MAN1A2: variants seen among roughly 807,000 people sequenced by gnomAD.
MAN1A2 encodes mannosidase alpha class 1A member 2.
Under a neutral mutation model 75.7 loss-of-function variants are expected in MAN1A2, and 26 were observed. The observed-to-expected ratio is 0.34, with a 90% CI of 0.25 to 0.48. MAN1A2 has a LOEUF of 0.48. Among genes scored for constraint, MAN1A2 ranks in the 20% least tolerant of loss-of-function variants. MAN1A2 has a pLI of 0.99. For synonymous variants in MAN1A2, 247 were observed against 264.6 expected (o/e 0.93, Z 0.65); for missense variants, 562 against 775.5 (o/e 0.72, Z 3.27).
intron 6 of MAN1A2, among the ~76,000 whole-genome samples, chr1:117,452,714 A>G (rs1269117769): frequency 6.6e-6 from 1 of 152,234 alleles, no homozygotes; most frequent in Non-Finnish European, 1.5e-5. Context: ...TCTCCAAAAC[A>G]TAAAGGTGAC....
At chr1:117,448,663 A>G (rs935702059) in intron 6 of MAN1A2, among the ~76,000 whole-genome samples, 17 of 152,308 alleles carry the variant, frequency 1.1e-4, no homozygotes, top group African/African-American at 4.1e-4. Flanking sequence ...ACCTAAACTG[A>G]AGCACAGAAA....
chr1:117,389,937 C>G (rs1340354346), intron 1 of MAN1A2, among the ~76,000 whole-genome samples: 2 of 152,034 alleles, frequency 1.3e-5, no homozygotes, highest in African/African-American at 4.8e-5. Flanking sequence ...TGGTCAAATA[C>G]TTTTTCTGCA....
chr1:117,511,590 G>A (rs192399611), intron 12 of MAN1A2, among the ~76,000 whole-genome samples: 199 of 152,104 alleles, frequency 1.3e-3, no homozygotes, highest in Non-Finnish European at 2.0e-3. Flanking sequence ...GAGGCACTCA[G>A]TAAATATGTA....
At chr1:117,510,188 C>T (rs997177888) in intron 12 of MAN1A2, among the ~76,000 whole-genome samples, 1 of 151,792 alleles carries the variant, frequency 6.6e-6, no homozygotes, top group African/African-American at 2.4e-5. Flanking sequence ...TCTCTGCTCC[C>T]TGTGTGAAGA....
Position 117,525,018 on chromosome 1 carries a change from A to G in MAN1A2, c.*2061A>G, listed in dbSNP as rs1460787198. The G allele has an allele frequency of 2.8e-5, 13 of 464,792 alleles. No individual in the cohort carries two copies. Among genetic ancestry groups the G allele is most frequent in the Middle Eastern group, 3.3e-4 (1 of 3,030 alleles). The allele number at this position is 464,792 out of a possible 1,614,324, so 28.8% of individuals were successfully genotyped here. A position where few individuals can be genotyped will look rare whatever the true frequency, so the allele number is the denominator to read the frequency against. On this transcript the variant is annotated 3_prime_UTR_variant, in exon 13 of 13. Transcript: ENST00000356554. ...ATGCAGAGCAGCAGTGCAGATGGCAATGAACTCTCTGAATTCTCTTTTACC... is the reference window on the plus strand; with the variant it reads ...ATGCAGAGCAGCAGTGCAGATGGCAGTGAACTCTCTGAATTCTCTTTTACC...
At position 117,525,329 on chromosome 1, in the gene MAN1A2, G is replaced by T; in HGVS notation, c.*2372G>T. 1 of 225,948 alleles carries T rather than the reference G, an allele frequency of 4.4e-6. No individual in the cohort carries two copies. Among genetic ancestry groups the T allele is most frequent in the East Asian group, 9.4e-5 (1 of 10,648 alleles). The allele number at this position is 225,948 out of a possible 1,614,324, so 14.0% of individuals were successfully genotyped here. A position where few individuals can be genotyped will look rare whatever the true frequency, so the allele number is the denominator to read the frequency against. On this transcript the variant is annotated 3_prime_UTR_variant, in exon 13 of 13. Transcript: ENST00000356554. ...TTTTTTATTCTCCTGAATACCAAAGGCAATTAAAGTCAGCTACAAATGACT... is the reference window on the plus strand; with the variant it reads ...TTTTTTATTCTCCTGAATACCAAAGTCAATTAAAGTCAGCTACAAATGACT...
chr1:117,396,262 G>T (rs1653901764), intron 1 of MAN1A2, among the ~76,000 whole-genome samples: 2 of 152,210 alleles, frequency 1.3e-5, no homozygotes, highest in Non-Finnish European at 2.9e-5. Flanking sequence ...TGAAGATCTG[G>T]TATGGCCAGC....
At chr1:117,511,254 A>G (rs565847348) in intron 12 of MAN1A2, among the ~76,000 whole-genome samples, 10 of 152,008 alleles carry the variant, frequency 6.6e-5, no homozygotes, top group Non-Finnish European at 1.5e-4. Context: ...CCCTCCCTCT[A>G]CATATGGGGA....
intron 1 of MAN1A2, among the ~76,000 whole-genome samples, chr1:117,385,987 A>C (rs949894806): frequency 6.6e-6 from 1 of 152,198 alleles, no homozygotes; most frequent in Admixed American, 6.5e-5. Context: ...GTTTCTTTAC[A>C]GGTATATAGT....
In MAN1A2 at chr1:117,402,187, G is replaced by C. The variant is rs757531222; in HGVS notation, c.304G>C (p.Glu102Gln). ...TTTTATTTCCTTCTTTTCTCACAGG[G>C]AAGAGGAAGAACGTCTGAGAAATAA... ...IHGPDEHRHREEEERLRNKIR... is the reference protein window; with the variant it reads ...IHGPDEHRHRQEEERLRNKIR... The change falls in exon 2 of 13, where the codon GAA (glutamate) becomes CAA (glutamine). Residue 102 changes from glutamate (E) to glutamine (Q), a missense_variant and splice_region_variant. Glu to Gln is a conservative substitution (Grantham distance 29). Around this residue, in one of 2 missense-constraint regions of MAN1A2, gnomAD observed 128 missense variants for 129.8 expected, o/e 0.99. Transcript: ENST00000356554. 77 of 1,605,844 alleles carry C rather than the reference G, an allele frequency of 4.8e-5. No individual in the cohort carries two copies. In the South Asian group the frequency reaches 7.8e-4, roughly 16 times the overall value.
At chr1:117,499,838 T>G (rs2101879843) in intron 11 of MAN1A2, among the ~76,000 whole-genome samples, 1 of 151,082 alleles carries the variant, frequency 6.6e-6, no homozygotes, top group East Asian at 2.0e-4. Flanking sequence ...TGGTTTACTC[T>G]TAAAGTCTTT....
At chr1:117,397,668 G>T (rs61809001) in intron 1 of MAN1A2, among the ~76,000 whole-genome samples, 2 of 64,118 alleles carry the variant, frequency 3.1e-5, no homozygotes, top group Non-Finnish European at 6.5e-5. Context: ...TTTTTTTTTG[G>T]AGACGTAGTT....
chr1:117,392,384 T>C (rs981374332), intron 1 of MAN1A2, among the ~76,000 whole-genome samples: 42 of 152,164 alleles, frequency 2.8e-4, no homozygotes, highest in Admixed American at 2.7e-3. Flanking sequence ...CTTTCTCTGT[T>C]TCCCTATGTA....
At chr1:117,514,863 T>TGA (rs762904936) in intron 12 of MAN1A2, 1 of 533,034 alleles carries the variant, frequency 1.9e-6, no homozygotes, top group Non-Finnish European at 3.9e-6. Flanking sequence ...CCTCCTACCA[T>TGA]GAGAGAACTG....
chr1:117,502,104 A>G (rs1207985966), intron 11 of MAN1A2, among the ~76,000 whole-genome samples: 2 of 151,788 alleles, frequency 1.3e-5, no homozygotes, highest in Non-Finnish European at 2.9e-5. Flanking sequence ...GTCAAGCAGT[A>G]AAGCACAGTA....
chr1:117,492,736 T>A (rs998303561), intron 8 of MAN1A2, among the ~76,000 whole-genome samples: 2 of 152,110 alleles, frequency 1.3e-5, no homozygotes, highest in Non-Finnish European at 2.9e-5. Context: ...TATAGGAACA[T>A]GTCTAAGAGT....
intron 8 of MAN1A2, among the ~76,000 whole-genome samples, chr1:117,490,365 A>G (rs1355805600): frequency 6.6e-6 from 1 of 151,912 alleles, no homozygotes; most frequent in East Asian, 1.9e-4. Flanking sequence ...TGTTATAGTG[A>G]TCCGTAATCA....
At chr1:117,491,490 C>T (rs1299970022) in intron 8 of MAN1A2, among the ~76,000 whole-genome samples, 1 of 136,340 alleles carries the variant, frequency 7.3e-6, no homozygotes, top group Admixed American at 7.9e-5. Flanking sequence ...CAAAATATTA[C>T]TGCTCATTGA....
At chr1:117,429,710 T>C (rs1370444447) in intron 5 of MAN1A2, among the ~76,000 whole-genome samples, 2 of 85,722 alleles carry the variant, frequency 2.3e-5, no homozygotes, top group African/African-American at 4.7e-5. Flanking sequence ...GCAGGGGGGC[T>C]GACCCCCCCC....
Sources: gnomAD v4.1 joint callset for allele counts (sites outside exome capture counted in the v4.1 genomes callset) on GRCh38, gnomAD v4.1.1 for gene constraint, gnomAD v4.1.1 regional missense constraint, MANE v1.5 for transcripts, NCBI Gene and HGNC (gene_info 2026-07-23, HGNC 2026-07-21) for gene names.